PPP2R2B: variants seen among roughly 807,000 people sequenced by gnomAD.
PPP2R2B encodes the protein protein phosphatase 2 regulatory subunit Bbeta, also known as serine/threonine-protein phosphatase 2A 55 kDa regulatory subunit B beta isoform.
Under a neutral mutation model 46.0 loss-of-function variants are expected in PPP2R2B, and 5 were observed. That is an observed-to-expected ratio of 0.11 (90% CI 0.06 to 0.23). The LOEUF (loss-of-function observed/expected upper bound fraction) is 0.23, where lower values mean the gene tolerates loss of function less well. PPP2R2B is among the 10% of genes least tolerant of loss of function. The pLI is 1.00. For synonymous variants in PPP2R2B, 215 were observed against 206.7 expected, an observed-to-expected ratio of 1.04 and a Z score of -0.34; for missense variants, 367 against 575.0, an observed-to-expected ratio of 0.64 and a Z score of 3.70.
intron 2 of PPP2R2B, among the ~76,000 whole-genome samples, chr5:146,723,686 G>A (rs760564616): frequency 6.6e-6 from 1 of 152,052 alleles, no homozygotes; most frequent in African/African-American, 2.4e-5. Context: ...CCCAATGGTC[G>A]ATGTACTTGT....
At chr5:146,837,478 A>C (rs142311167) in intron 2 of PPP2R2B, among the ~76,000 whole-genome samples, 102 of 152,360 alleles carry the variant, frequency 6.7e-4, no homozygotes, top group African/African-American at 2.3e-3. Flanking sequence ...GAAGAAAGTG[A>C]TGTGGCTATA....
At chr5:146,886,822 T>G (rs1318130042) in intron 1 of PPP2R2B, among the ~76,000 whole-genome samples, 1 of 151,538 alleles carries the variant, frequency 6.6e-6, no homozygotes, top group African/African-American at 2.4e-5. Context: ...TTTAAACTTT[T>G]TTAGTAAAAA....
intron 6 of PPP2R2B, among the ~76,000 whole-genome samples, chr5:146,643,601 G>T (rs531473478): frequency 1.3e-5 from 2 of 152,280 alleles, no homozygotes; most frequent in Non-Finnish European, 2.9e-5. Context: ...GAAAGGGTGG[G>T]AAGGAGGTGA....
upstream of PPP2R2B, among the ~76,000 whole-genome samples, chr5:146,882,044 G>T (rs373393176): frequency 1.2e-4 from 18 of 152,082 alleles, 3 homozygotes; most frequent in Admixed American, 1.1e-3. Flanking sequence ...TTGGGAGGCT[G>T]AGTCAGGCAG....
At chr5:146,697,173 T>C (rs1257912768) in intron 4 of PPP2R2B, among the ~76,000 whole-genome samples, 2 of 152,244 alleles carry the variant, frequency 1.3e-5, no homozygotes, top group Admixed American at 1.3e-4. Flanking sequence ...CAACTCATTT[T>C]CTTGGGAGAG....
intron 2 of PPP2R2B, among the ~76,000 whole-genome samples, chr5:146,857,394 T>A (rs1760737357): frequency 6.6e-6 from 1 of 152,184 alleles, no homozygotes. Context: ...AACAAAAGGT[T>A]CATAATTAGT....
At chr5:146,735,329 C>T (rs1172758118) in intron 2 of PPP2R2B, among the ~76,000 whole-genome samples, 1 of 151,874 alleles carries the variant, frequency 6.6e-6, no homozygotes, top group Non-Finnish European at 1.5e-5. Flanking sequence ...ACCAAAACCC[C>T]CCCCACAATC....
At chr5:146,648,046 G>A (rs191865391) in intron 6 of PPP2R2B, among the ~76,000 whole-genome samples, 174 of 152,334 alleles carry the variant, frequency 1.1e-3, no homozygotes, top group African/African-American at 3.7e-3. Flanking sequence ...GTGGAGACTA[G>A]CTAGCTGTGT....
At chr5:146,636,198 C>T (rs1333128411) in intron 7 of PPP2R2B, among the ~76,000 whole-genome samples, 2 of 152,118 alleles carry the variant, frequency 1.3e-5, no homozygotes, top group African/African-American at 2.4e-5. Flanking sequence ...TTACCTCCCA[C>T]ATACTAGAAA....
At chr5:146,804,718 T>C (rs1757072431) in intron 2 of PPP2R2B, among the ~76,000 whole-genome samples, 1 of 152,080 alleles carries the variant, frequency 6.6e-6, no homozygotes, top group Non-Finnish European at 1.5e-5. Context: ...TAGACATGAA[T>C]CTCTTCAAAC....
intron 5 of PPP2R2B, among the ~76,000 whole-genome samples, chr5:146,658,972 T>A (rs1321543773): frequency 6.6e-6 from 1 of 152,206 alleles, no homozygotes; most frequent in African/African-American, 2.4e-5. Flanking sequence ...AAGATAATTT[T>A]AAAGTCTTAC....
intron 2 of PPP2R2B, among the ~76,000 whole-genome samples, chr5:146,794,010 A>C (rs1045502540): frequency 6.6e-6 from 1 of 152,206 alleles, no homozygotes; most frequent in Non-Finnish European, 1.5e-5. Context: ...ATTTTGACAC[A>C]TATCTCAGGA....
chr5:146,917,186 T>A (rs1763420043), intron 1 of PPP2R2B, among the ~76,000 whole-genome samples: 1 of 152,196 alleles, frequency 6.6e-6, no homozygotes, highest in South Asian at 2.1e-4. Context: ...GCAAGCTGCA[T>A]CATAGTTGCT....
In PPP2R2B at chr5:146,895,336, C is replaced by T. The variant is rs537896497; in HGVS notation, c.79+160329G>A. On this transcript the variant is annotated intron_variant, in intron 1 of 8. Coordinates refer to the PPP2R2B transcript ENST00000336640. ...CTGCTCTCATAGCACCAAGTGTCTC[C>T]TTCATTACTTTCACCACAGTGTAGC... Among the ~76,000 whole-genome samples the T allele has an allele frequency of 1.1e-3, 162 of 152,330 alleles. 1 individual carries two copies. Among genetic ancestry groups the T allele is most frequent in the African/African-American group, 3.7e-3 (152 of 41,570 alleles).
At chr5:146,682,215 G>A (rs1397716357) in intron 5 of PPP2R2B, among the ~76,000 whole-genome samples, 2 of 152,182 alleles carry the variant, frequency 1.3e-5, no homozygotes, top group Non-Finnish European at 2.9e-5. Flanking sequence ...TGAATGCAAG[G>A]CAGCGTAGGA....
At chr5:147,037,110 T>C (rs1274591960) in intron 1 of PPP2R2B, among the ~76,000 whole-genome samples, 1 of 152,104 alleles carries the variant, frequency 6.6e-6, no homozygotes, top group Non-Finnish European at 1.5e-5. Context: ...TAACGAGAGT[T>C]TAACCACTCC....
chr5:146,717,471 G>T (rs1386205295), intron 2 of PPP2R2B, among the ~76,000 whole-genome samples: 1 of 152,152 alleles, frequency 6.6e-6, no homozygotes, highest in Admixed American at 6.5e-5. Flanking sequence ...GTGATGCATT[G>T]CTTTCTGCAA....
At chr5:146,728,563 C>A (rs986056818) in intron 2 of PPP2R2B, among the ~76,000 whole-genome samples, 12 of 152,236 alleles carry the variant, frequency 7.9e-5, no homozygotes, top group Non-Finnish European at 1.3e-4. Flanking sequence ...AATCCTCCAA[C>A]AGTTGGGAAG....
rs138715822 is a variant in PPP2R2B, at chr5:146,793,825, T to C, written c.70+84177A>G. 7.0e-4 allele frequency among the ~76,000 whole-genome samples: 107 copies of C among 152,304 alleles called. 1 individual carries two copies. The highest frequency in any genetic ancestry group is 2.5e-3 in the African/African-American group (105 of 41,566). ...GAATTCAGTTCCCTGTCTCTAGGGT[T>C]ATACTGAGCTGCAACTACAATGCTG... On this transcript the variant is annotated intron_variant, in intron 2 of 9. Coordinates refer to ENST00000394411, the MANE Select transcript of PPP2R2B (RefSeq NM_181675.4).
Sources: allele counts gnomAD v4.1 joint callset (sites outside exome capture counted in the v4.1 genomes callset), GRCh38; gene constraint gnomAD v4.1.1; transcripts MANE v1.5; gene names NCBI Gene and HGNC (gene_info 2026-07-23, HGNC 2026-07-21).